ZFHX3: variants seen among roughly 807,000 people sequenced by gnomAD.
ZFHX3 encodes the protein zinc finger homeobox 3.
Under a neutral mutation model 279.1 loss-of-function variants are expected in ZFHX3, and 42 were observed. The ratio of observed to expected loss-of-function variants is 0.15; its 90% CI spans 0.12 to 0.19. The LOEUF is 0.19. Ranked by LOEUF, ZFHX3 falls within the 10% of genes least tolerant of loss-of-function variation. ZFHX3 has a pLI of 1.00. For missense variants in ZFHX3, 4,981 were observed against 4,754.0 expected (o/e 1.05, Z -1.40); for synonymous variants, 2,293 against 1,957.8 (o/e 1.17, Z -4.52).
chr16:72,823,485 AAC>A (rs760645900), intron 5 of ZFHX3, among the ~76,000 whole-genome samples: 2 of 152,184 alleles, frequency 1.3e-5, no homozygotes, highest in African/African-American at 2.4e-5. Context: ...TGCCTCTGAC[AAC>A]ACAGTGTGTC....
At chr16:73,681,432 A>T (rs2053008537) in intron 1 of ZFHX3, among the ~76,000 whole-genome samples, 1 of 152,230 alleles carries the variant, frequency 6.6e-6, no homozygotes. Flanking sequence ...AATTATAGTT[A>T]TCGGAAACAT....
In ZFHX3 at chr16:72,787,978, G is replaced by T. The variant is rs768594533; in HGVS notation, c.10298C>A (p.Pro3433His). Reference protein sequence around the residue: ...EQKNTPREVSPLLPKLPEEPE... With the variant: ...EQKNTPREVSHLLPKLPEEPE... Reference sequence around the variant, plus strand: ...CTCTTCAGGGAGTTTCGGCAGGAGGGGGGACACCTCACGGGGGGTGTTTTT... The same window carrying T: ...CTCTTCAGGGAGTTTCGGCAGGAGGTGGGACACCTCACGGGGGGTGTTTTT... The change falls in exon 10 of 10, where the codon CCC becomes CAC. Residue 3433 changes from proline to histidine, a missense_variant. Around this residue, in one of 7 missense-constraint regions of ZFHX3, gnomAD observed 1,034 missense variants for 786.0 expected, o/e 1.32. Coordinates refer to ENST00000268489, the MANE Select transcript of ZFHX3 (RefSeq NM_006885.4). 1.2e-6 allele frequency: 2 copies of T among 1,613,856 alleles called. No homozygotes were observed. The highest frequency in any genetic ancestry group is 1.1e-5 in the South Asian group (1 of 91,066).
intron 1 of ZFHX3, among the ~76,000 whole-genome samples, chr16:73,778,239 A>G (rs1315367211): frequency 1.4e-5 from 1 of 73,610 alleles, no homozygotes; most frequent in Non-Finnish European, 3.3e-5. Flanking sequence ...GGAGTGTTAA[A>G]AAAAAAAAAA....
chr16:73,798,492 C>A (rs1253606488), intron 1 of ZFHX3, among the ~76,000 whole-genome samples: 1 of 151,826 alleles, frequency 6.6e-6, no homozygotes, highest in Non-Finnish European at 1.5e-5. Context: ...AAATGGGAAC[C>A]CAAACCATAA....
intron 4 of ZFHX3, among the ~76,000 whole-genome samples, chr16:72,849,430 G>C (rs893421619): frequency 6.6e-6 from 1 of 152,102 alleles, no homozygotes; most frequent in Non-Finnish European, 1.5e-5. Context: ...ATGTGCTTAC[G>C]TTTGGAATAA....
At chr16:73,800,575 CTT>C (rs1960116870) in intron 1 of ZFHX3, among the ~76,000 whole-genome samples, 1 of 152,128 alleles carries the variant, frequency 6.6e-6, no homozygotes, top group Admixed American at 6.6e-5. Flanking sequence ...TCCTCTTCCT[CTT>C]TCCCCCTGTT....
At chr16:73,154,912 G>A (rs545720532) in intron 5 of ZFHX3, among the ~76,000 whole-genome samples, 11 of 152,218 alleles carry the variant, frequency 7.2e-5, no homozygotes, top group African/African-American at 1.9e-4. Context: ...GGTGGCTCAC[G>A]TCTGTAATCC....
chr16:73,734,799 G>A (rs1257555548), intron 1 of ZFHX3, among the ~76,000 whole-genome samples: 1 of 152,120 alleles, frequency 6.6e-6, no homozygotes, highest in Non-Finnish European at 1.5e-5. Flanking sequence ...TGTGAAACAT[G>A]CTAAGAAACT....
chr16:73,058,671 T>TCGGCGGCGGCGGAGGACGCGCTGCTGG, exon 1 of ZFHX3: 1 of 203,588 alleles, frequency 4.9e-6, no homozygotes. Context: ...CTGGCGGGGG[T>TCGGCGGCGGCGGAGGACGCGCTGCTGG]CGGCGGCGGC....
At chr16:72,942,517 T>C (rs892601266) in intron 3 of ZFHX3, among the ~76,000 whole-genome samples, 1 of 152,174 alleles carries the variant, frequency 6.6e-6, no homozygotes, top group African/African-American at 2.4e-5. Flanking sequence ...CGTAAATATT[T>C]TGACAAAGTG....
At chr16:73,592,297 T>C (rs1429200151) in intron 2 of ZFHX3, among the ~76,000 whole-genome samples, 1 of 152,152 alleles carries the variant, frequency 6.6e-6, no homozygotes, top group East Asian at 1.9e-4. Flanking sequence ...TTTGCAGAGA[T>C]ACTCAGATGG....
At chr16:73,267,682 C>G (rs1463602748) in intron 4 of ZFHX3, among the ~76,000 whole-genome samples, 1 of 152,176 alleles carries the variant, frequency 6.6e-6, no homozygotes, top group Non-Finnish European at 1.5e-5. Flanking sequence ...GCAGCTTGGT[C>G]TAGCCTGGGG....
At position 72,793,365 on chromosome 16, in the gene ZFHX3, A is replaced by T. The variant is rs1482056359; in HGVS notation, c.9317T>A (p.Leu3106His). Reference sequence around the variant, plus strand: ...TGCTGTAGGAAGGTTAAGGGCCTGAAGAGGGGTGTTGTCAAACATCCCTTG... The same window carrying T: ...TGCTGTAGGAAGGTTAAGGGCCTGATGAGGGGTGTTGTCAAACATCCCTTG... ...QQQGMFDNTPLQALNLPTAYP... is the reference protein window; with the variant it reads ...QQQGMFDNTPHQALNLPTAYP... The change falls in exon 9 of 10, where the codon CTT becomes CAT. Residue 3106 changes from leucine to histidine, a missense_variant. Transcript: ENST00000268489. This position sits in a 1 kb window ranked among gnomAD's most constrained non-coding sequence, Gnocchi z 4.3. 6.2e-7 allele frequency: 1 copy of T among 1,614,072 alleles called. No individual in the cohort carries two copies. Among genetic ancestry groups the T allele is most frequent in the Non-Finnish European group, 8.5e-7 (1 of 1,180,042 alleles).
At chr16:72,809,319 C>T (rs2036368449) in intron 7 of ZFHX3, 1 of 152,176 alleles carries the variant, frequency 6.6e-6, no homozygotes, top group South Asian at 2.1e-4. Flanking sequence ...CAATGCTTCC[C>T]TCCCCACATC....
chr16:73,306,231 T>C (rs1012639619), intron 4 of ZFHX3, among the ~76,000 whole-genome samples: 2 of 152,250 alleles, frequency 1.3e-5, no homozygotes, highest in Non-Finnish European at 2.9e-5. Flanking sequence ...TTGTTCTTTG[T>C]TCTTCATATC....
chr16:73,402,885 AC>A (rs2017285253), intron 3 of ZFHX3, among the ~76,000 whole-genome samples: 1 of 149,012 alleles, frequency 6.7e-6, no homozygotes, highest in South Asian at 2.2e-4. Flanking sequence ...TGGCTGTCGT[AC>A]ATATGGAAAA....
intron 1 of ZFHX3, among the ~76,000 whole-genome samples, chr16:72,974,301 G>C (rs1048914927): frequency 6.6e-6 from 1 of 152,204 alleles, no homozygotes; most frequent in African/African-American, 2.4e-5. Flanking sequence ...ACAGAGGTAC[G>C]TCCTCGCAAT....
chr16:73,382,388 A>T (rs887203401), intron 3 of ZFHX3, among the ~76,000 whole-genome samples: 1 of 152,244 alleles, frequency 6.6e-6, no homozygotes, highest in Admixed American at 6.5e-5. Flanking sequence ...TCTAATCTAC[A>T]AAAGGCTCTT....
At chr16:73,074,832 G>T (rs1178035655) in intron 8 of ZFHX3, among the ~76,000 whole-genome samples, 3 of 151,800 alleles carry the variant, frequency 2.0e-5, no homozygotes, top group African/African-American at 7.3e-5. Flanking sequence ...ACAGGGTCAG[G>T]TTCTGTCACC....
Sources: allele counts gnomAD v4.1 joint callset (sites outside exome capture counted in the v4.1 genomes callset), GRCh38; gene constraint gnomAD v4.1.1; regional missense constraint gnomAD v4.1.1; non-coding constraint Gnocchi (gnomAD v3.1); transcripts MANE v1.5; gene names NCBI Gene and HGNC (gene_info 2026-07-23, HGNC 2026-07-21).